HOGA1: variants seen among roughly 807,000 people sequenced by gnomAD.
The protein encoded by HOGA1 is 4-hydroxy-2-oxoglutarate aldolase, mitochondrial.
HOGA1 carries 30 observed loss-of-function variants against 34.3 expected under a neutral mutation model. That is an observed-to-expected ratio of 0.87 (90% CI 0.65 to 1.19). The LOEUF is 1.19. Ranked by LOEUF, HOGA1 falls within the 50% of genes most tolerant of loss-of-function variation. The pLI is 0.00. For synonymous variants in HOGA1, 161 were observed against 174.0 expected (o/e 0.93, Z 0.59); for missense variants, 417 against 436.5 (o/e 0.96, Z 0.40).
intron 3 of HOGA1, chr10:97,599,440 A>G (rs1419437644): frequency 4.2e-6 from 3 of 713,324 alleles, no homozygotes; most frequent in Admixed American, 4.9e-5. Flanking sequence ...ATAGGGTTGC[A>G]GTGAGCATTA....
Position 97,598,771 on chromosome 10 carries a change from G to A in HOGA1, c.212-4G>A. On this transcript the variant is annotated splice_polypyrimidine_tract_variant and splice_region_variant and intron_variant, in intron 1 of 6. Coordinates refer to ENST00000370646, the MANE Select transcript of HOGA1 (RefSeq NM_138413.4). ...AAGGAGTTAGTCAGCTGTGTCTCTT[G>A]CAGGCTTCGTGGTCCAGGGCTCCAA... 6.2e-7 allele frequency: 1 copy of A among 1,614,224 alleles called. No homozygotes were observed. Among genetic ancestry groups the A allele is most frequent in the Middle Eastern group, 1.6e-4 (1 of 6,062 alleles).
intron 1 of HOGA1, among the ~76,000 whole-genome samples, chr10:97,585,223 T>C (rs2040959149): frequency 6.6e-6 from 1 of 152,180 alleles, no homozygotes; most frequent in Non-Finnish European, 1.5e-5. Context: ...GTGAAAGTCC[T>C]TGTCAACCTT....
intron 5 of HOGA1, among the ~76,000 whole-genome samples, chr10:97,601,335 G>T (rs144439646): frequency 1.6e-3 from 243 of 152,304 alleles, no homozygotes; most frequent in Non-Finnish European, 2.6e-3. Context: ...GGACTAGAGA[G>T]GGTCTCATTC....
rs925831910 is a variant in HOGA1 at position 97,584,459 on chromosome 10, C to T, written c.-245C>T. ...TCCCAGAAACCAGTCCTATATCTGG[C>T]CAGAGGGACACTGGGTTGTGGCATC... On this transcript the variant is annotated 5_prime_UTR_variant, in exon 1 of 7. Coordinates refer to ENST00000370646, the MANE Select transcript of HOGA1 (RefSeq NM_138413.4). The T allele has an allele frequency of 2.0e-6, 1 of 504,732 alleles. No individual in the cohort carries two copies. The highest frequency in any genetic ancestry group is 3.1e-5 in the East Asian group (1 of 32,396). The allele number at this position is 504,732 out of a possible 1,614,324, so 31.3% of individuals were successfully genotyped here.
chr10:97,607,387 G>A (rs2041165487), intron 6 of HOGA1, among the ~76,000 whole-genome samples: 1 of 152,322 alleles, frequency 6.6e-6, no homozygotes, highest in Admixed American at 6.5e-5. Flanking sequence ...TGCTGGCCTG[G>A]CTGGTTTTCG....
chr10:97,597,263 C>T lies in HOGA1; in HGVS notation c.212-1512C>T, dbSNP rs558404597. ...CTCACTTTGTTACCCAAGGTGGTCT[C>T]GAACTTCTGGCCTCAAGTGATCCCC... On this transcript the variant is annotated intron_variant, in intron 1 of 6. Transcript: ENST00000370646. 3.9e-5 allele frequency among the ~76,000 whole-genome samples: 6 copies of T among 152,054 alleles called. No individual in the cohort carries two copies. In the East Asian group the frequency reaches 7.7e-4, roughly 20 times the overall value.
chr10:97,606,093 G>A lies in HOGA1; in HGVS notation c.834+4103G>A, dbSNP rs193071132. ...AGGTCAGGAGTTCAAGACCTGCCTG[G>A]TCGAGATGGTGAAACCCCGTCTCTA... On this transcript the variant is annotated intron_variant, in intron 6 of 6. Coordinates refer to ENST00000370646, the MANE Select transcript of HOGA1 (RefSeq NM_138413.4). Among the ~76,000 whole-genome samples the A allele has an allele frequency of 4.8e-3, 679 of 142,148 alleles. 6 individuals are homozygous for A. Among genetic ancestry groups the A allele is most frequent in the Middle Eastern group, 0.014 (3 of 222 alleles). 93.3% of individuals were successfully genotyped at this position (142,148 alleles called of 152,430 possible).
Position 97,612,796 on chromosome 10 carries a change from G to GA in HOGA1, c.*1143dup, listed in dbSNP as rs1319453243. 6.6e-6 allele frequency: 1 copy of GA among 152,128 alleles called. No homozygotes were observed. Among genetic ancestry groups the GA allele is most frequent in the Non-Finnish European group, 1.5e-5 (1 of 68,024 alleles). 9.4% of individuals were successfully genotyped at this position (152,128 alleles called of 1,614,324 possible). ...TTTGTTACTATAATAAAATTTAACA[G>GA]AAAAAATTAGTGTGGCTATATAAAG... is the stretch of plus-strand genomic sequence containing the variant. On this transcript the variant is annotated 3_prime_UTR_variant, in exon 7 of 7. Coordinates refer to ENST00000370646, the MANE Select transcript of HOGA1 (RefSeq NM_138413.4).
Position 97,584,488 on chromosome 10 carries a change from C to G in HOGA1, c.-216C>G. ...AGGGACACTGGGTTGTGGCATCTCTCTAGCTGCTACCCAGAAGGAACAGGG... is the reference window on the plus strand; with the variant it reads ...AGGGACACTGGGTTGTGGCATCTCTGTAGCTGCTACCCAGAAGGAACAGGG... On this transcript the variant is annotated 5_prime_UTR_variant, in exon 1 of 7. Transcript: ENST00000370646. 1.8e-6 allele frequency: 1 copy of G among 563,152 alleles called. No individual in the cohort carries two copies. The highest frequency in any genetic ancestry group is 1.9e-5 in the African/African-American group (1 of 53,574). 34.9% of individuals were successfully genotyped at this position (563,152 alleles called of 1,614,324 possible).
At chr10:97,600,539 C>T in intron 5 of HOGA1, 3 of 347,644 alleles carry the variant, frequency 8.6e-6, no homozygotes, top group Non-Finnish European at 1.7e-5. Flanking sequence ...CCATTTTCCT[C>T]TCCCCTGTCC....
chr10:97,602,023 G>C (rs201986855), intron 6 of HOGA1, 33 bp downstream of exon 6: 228 of 1,591,128 alleles, frequency 1.4e-4, no homozygotes, highest in Middle Eastern at 3.3e-4. Context: ...GCGGCCTGGC[G>C]GGGGGTGGGC....
rs527415593 is a variant in HOGA1 at position 97,604,874 on chromosome 10, C to T, written c.834+2884C>T. ...GTGCACATCTGTAATCCCAGCTGCT[C>T]GAGTGGCTGAGCAAGAGAATCGCTT... On this transcript the variant is annotated intron_variant, in intron 6 of 6. Coordinates refer to ENST00000370646, the MANE Select transcript of HOGA1 (RefSeq NM_138413.4). Among the ~76,000 whole-genome samples the T allele has an allele frequency of 5.7e-4, 86 of 152,190 alleles. No homozygotes were observed. The South Asian group carries it at 0.012, about 21-fold the overall frequency.
At chr10:97,585,647 C>T (rs1238471937) in intron 1 of HOGA1, among the ~76,000 whole-genome samples, 2 of 152,216 alleles carry the variant, frequency 1.3e-5, no homozygotes, top group Non-Finnish European at 2.9e-5. Context: ...GGTCACTGCC[C>T]AAGGTCATTC....
chr10:97,594,906 T>G (rs77818771), intron 1 of HOGA1, among the ~76,000 whole-genome samples: 4 of 152,050 alleles, frequency 2.6e-5, no homozygotes, highest in Non-Finnish European at 5.9e-5. Flanking sequence ...GTGCTGTCCA[T>G]GGGGAAATAT....
intron 1 of HOGA1, among the ~76,000 whole-genome samples, chr10:97,585,364 G>C (rs189959611): frequency 3.7e-4 from 56 of 152,264 alleles, no homozygotes; most frequent in South Asian, 4.1e-4. Flanking sequence ...TAGTTCTCCT[G>C]TGACCCCTTG....
rs2041133974 is a variant in HOGA1, at chr10:97,603,294, G to A, written c.834+1304G>A. On this transcript the variant is annotated intron_variant, in intron 6 of 6. Coordinates refer to ENST00000370646, the MANE Select transcript of HOGA1 (RefSeq NM_138413.4). This position sits in a 1 kb window ranked among gnomAD's most constrained non-coding sequence, Gnocchi z 4.5. ...TTTTTCTTTTATTTTTTTTATTTTC[G>A]AAACAGGGTCATTCTCTGTCACCCA... Among the ~76,000 whole-genome samples the A allele has an allele frequency of 6.6e-6, 1 of 151,436 alleles. No individual in the cohort carries two copies. The highest frequency in any genetic ancestry group is 1.5e-5 in the Non-Finnish European group (1 of 67,944).
chr10:97,596,201 A>G (rs2041070280), intron 1 of HOGA1, among the ~76,000 whole-genome samples: 1 of 152,156 alleles, frequency 6.6e-6, no homozygotes, highest in Non-Finnish European at 1.5e-5. Flanking sequence ...GCCCCCTTCA[A>G]TGAGACAGAA....
intron 6 of HOGA1, among the ~76,000 whole-genome samples, chr10:97,606,033 C>T (rs1424118679): frequency 6.6e-6 from 1 of 150,956 alleles, no homozygotes; most frequent in African/African-American, 2.4e-5. Flanking sequence ...GCCTATAATC[C>T]CAGCACTTTG....
At chr10:97,610,345 G>C (rs1026284187) in intron 6 of HOGA1, among the ~76,000 whole-genome samples, 1 of 152,132 alleles carries the variant, frequency 6.6e-6, no homozygotes, top group Non-Finnish European at 1.5e-5. Context: ...TCATGCACCT[G>C]AAGTCCAAGG....
Sources: gnomAD v4.1 joint callset for allele counts (sites outside exome capture counted in the v4.1 genomes callset) on GRCh38, gnomAD v4.1.1 for gene constraint, Gnocchi (gnomAD v3.1) non-coding constraint, MANE v1.5 for transcripts, NCBI Gene and HGNC (gene_info 2026-07-23, HGNC 2026-07-21) for gene names.